THEMIS: variants seen among roughly 807,000 people sequenced by gnomAD.
The protein encoded by THEMIS is thymocyte selection associated, also known as protein THEMIS.
THEMIS carries 37 observed loss-of-function variants against 52.6 expected under a neutral mutation model. The ratio of observed to expected loss-of-function variants is 0.70; its 90% CI spans 0.54 to 0.93. The LOEUF (loss-of-function observed/expected upper bound fraction) is 0.93. Among genes scored for constraint, THEMIS ranks in the 40% least tolerant of loss-of-function variants. THEMIS has a pLI of 0.00. For missense variants in THEMIS, 808 were observed against 763.1 expected (o/e 1.06, Z -0.69); for synonymous variants, 292 against 272.7 (o/e 1.07, Z -0.70).
intron 1 of THEMIS, among the ~76,000 whole-genome samples, chr6:127,906,257 G>T (rs1781266500): frequency 6.6e-6 from 1 of 151,430 alleles, no homozygotes; most frequent in South Asian, 2.1e-4. Flanking sequence ...TTAAAGACAA[G>T]AAGGATTATA....
At chr6:127,843,298 CA>C (rs1284820701) in intron 2 of THEMIS, among the ~76,000 whole-genome samples, 1 of 150,548 alleles carries the variant, frequency 6.6e-6, no homozygotes, top group Non-Finnish European at 1.5e-5. Flanking sequence ...TATGATTAAG[CA>C]AGAAGTGCTT....
At chr6:127,704,564 C>T (rs1773776025), downstream of THEMIS, among the ~76,000 whole-genome samples, 1 of 152,154 alleles carries the variant, frequency 6.6e-6, no homozygotes, top group Non-Finnish European at 1.5e-5. Context: ...GCTACTTTAC[C>T]AAGTAGGAGA....
At chr6:127,906,356 T>A (rs1255577416) in intron 1 of THEMIS, among the ~76,000 whole-genome samples, 2 of 151,814 alleles carry the variant, frequency 1.3e-5, no homozygotes, top group East Asian at 3.9e-4. Context: ...CTTCAAAATA[T>A]CTAAAGCAAA....
intron 1 of THEMIS, among the ~76,000 whole-genome samples, chr6:127,916,573 G>A (rs1781532370): frequency 6.6e-6 from 1 of 152,078 alleles, no homozygotes; most frequent in Non-Finnish European, 1.5e-5. Context: ...AACTTAAATG[G>A]GTACAGTAAG....
At chr6:127,877,241 T>C (rs1780341617) in intron 1 of THEMIS, among the ~76,000 whole-genome samples, 2 of 152,336 alleles carry the variant, frequency 1.3e-5, no homozygotes. Context: ...TTCACACCAC[T>C]AAAACTTTCT....
At chr6:127,715,995 T>C (rs1774145859) in intron 5 of THEMIS, among the ~76,000 whole-genome samples, 1 of 151,874 alleles carries the variant, frequency 6.6e-6, no homozygotes, top group African/African-American at 2.4e-5. Context: ...GGGTTTCATT[T>C]TCTAGCCCAG....
At chr6:127,767,163 C>T (rs1776228631) in intron 4 of THEMIS, among the ~76,000 whole-genome samples, 1 of 151,746 alleles carries the variant, frequency 6.6e-6, no homozygotes, top group African/African-American at 2.4e-5. Context: ...ACGATCTTGA[C>T]TCACTACAAG....
chr6:127,812,591 TA>T (rs889803959), intron 4 of THEMIS, among the ~76,000 whole-genome samples: 3 of 152,208 alleles, frequency 2.0e-5, no homozygotes, highest in African/African-American at 7.2e-5. Context: ...AGGCACTTTA[TA>T]AAATATTCTT....
rs563188705 is a variant in THEMIS at position 127,790,029 on chromosome 6, C to T, written c.1758+22854G>A. Among the ~76,000 whole-genome samples, 4 of 152,308 alleles carry T rather than the reference C, an allele frequency of 2.6e-5. No individual in the cohort carries two copies. In the South Asian group the frequency reaches 8.3e-4, roughly 32 times the overall value. On this transcript the variant is annotated intron_variant, in intron 4 of 5. Coordinates refer to ENST00000368248, the MANE Select transcript of THEMIS (RefSeq NM_001010923.3). ...ATAGTATTGGAAGTTCTGGCCAGGG[C>T]AATCGAGCAAGAGAAAGATATAAAG...
chr6:127,811,707 A>T (rs999261850), intron 4 of THEMIS, among the ~76,000 whole-genome samples: 4 of 151,898 alleles, frequency 2.6e-5, no homozygotes, highest in African/African-American at 9.7e-5. Flanking sequence ...TTCTCATTTC[A>T]TTTCTCACTA....
At chr6:127,743,633 C>G (rs1775282857) in intron 4 of THEMIS, among the ~76,000 whole-genome samples, 1 of 152,082 alleles carries the variant, frequency 6.6e-6, no homozygotes, top group Admixed American at 6.6e-5. Context: ...ATGCTGAATT[C>G]AAACAAAACT....
chr6:127,705,516 C>T (rs1237711655), downstream of THEMIS, among the ~76,000 whole-genome samples: 1 of 152,208 alleles, frequency 6.6e-6, no homozygotes, highest in Non-Finnish European at 1.5e-5. Context: ...ATTGAAGAAA[C>T]AACCTAGTCA....
chr6:127,700,398 G>T, the THEMIS span, among the ~76,000 whole-genome samples: 1 of 151,764 alleles, frequency 6.6e-6, no homozygotes, highest in East Asian at 1.9e-4. Flanking sequence ...AAACGTCAGG[G>T]TTATGTCTAA....
At chr6:127,869,799 T>C (rs891226328) in intron 1 of THEMIS, among the ~76,000 whole-genome samples, 6 of 152,150 alleles carry the variant, frequency 3.9e-5, no homozygotes, top group Admixed American at 2.6e-4. Flanking sequence ...GAACATCCTA[T>C]ACAACAACAA....
intron 5 of THEMIS, among the ~76,000 whole-genome samples, chr6:127,714,122 T>A (rs1774077213): frequency 6.6e-6 from 1 of 151,868 alleles, no homozygotes; most frequent in South Asian, 2.1e-4. Flanking sequence ...GAAAGGTTGT[T>A]CACAATTCTT....
At chr6:127,817,211 C>T (rs1192816231) in intron 3 of THEMIS, among the ~76,000 whole-genome samples, 1 of 152,062 alleles carries the variant, frequency 6.6e-6, no homozygotes, top group Admixed American at 6.6e-5. Flanking sequence ...TCTAGAGTGG[C>T]ACCTGGCGTA....
At chr6:127,713,437 C>T (rs1479877685) in intron 5 of THEMIS, among the ~76,000 whole-genome samples, 1 of 151,756 alleles carries the variant, frequency 6.6e-6, no homozygotes, top group Non-Finnish European at 1.5e-5. Flanking sequence ...CTGTGAACCT[C>T]TTATGAGCCA....
intron 4 of THEMIS, among the ~76,000 whole-genome samples, chr6:127,774,802 A>G (rs1280170381): frequency 6.6e-6 from 1 of 152,212 alleles, no homozygotes; most frequent in African/African-American, 2.4e-5. Context: ...CATCATGTAA[A>G]TCAAGTCAAG....
At chr6:127,896,029 C>T (rs1780956428) in intron 1 of THEMIS, among the ~76,000 whole-genome samples, 1 of 151,038 alleles carries the variant, frequency 6.6e-6, no homozygotes, top group South Asian at 2.1e-4. Context: ...CAATTAAAAG[C>T]ATGTTTAACA....
Sources: allele counts gnomAD v4.1 joint callset (sites outside exome capture counted in the v4.1 genomes callset), GRCh38; gene constraint gnomAD v4.1.1; transcripts MANE v1.5; gene names NCBI Gene and HGNC (gene_info 2026-07-23, HGNC 2026-07-21).